The following TMEM181 variants were observed in gnomAD, a reference collection of about 807,000 sequenced individuals.
TMEM181 encodes the protein transmembrane protein 181.
A neutral mutation model predicts 71.9 loss-of-function variants in TMEM181; 39 were observed. The observed-to-expected ratio is 0.54, with a 90% CI of 0.42 to 0.71. The LOEUF (loss-of-function observed/expected upper bound fraction) is 0.71. Ranked by LOEUF, TMEM181 falls within the 30% of genes least tolerant of loss-of-function variation. TMEM181 has a pLI of 0.00. For synonymous variants in TMEM181, 245 were observed against 228.8 expected (o/e 1.07, Z -0.64); for missense variants, 595 against 583.0 (o/e 1.02, Z -0.21).
chr6:158,627,061 T>G (rs1040582937), intron 13 of TMEM181, among the ~76,000 whole-genome samples: 5 of 140,858 alleles, frequency 3.5e-5, no homozygotes, highest in Non-Finnish European at 7.7e-5. Context: ...TCTCACACCC[T>G]CACACCTTCA....
At chr6:158,542,346 C>T (rs1781385521) in intron 1 of TMEM181, among the ~76,000 whole-genome samples, 1 of 152,172 alleles carries the variant, frequency 6.6e-6, no homozygotes, top group Non-Finnish European at 1.5e-5. Flanking sequence ...GTTATTGAGT[C>T]CTTACTATGT....
intron 2 of TMEM181, among the ~76,000 whole-genome samples, chr6:158,574,019 C>A (rs147121642): frequency 4.1e-4 from 62 of 152,198 alleles, no homozygotes; most frequent in African/African-American, 1.3e-3. Context: ...ACCTGAGAAG[C>A]CAAGTGGTTT....
chr6:158,603,875 T>G (rs1356090730), intron 6 of TMEM181, among the ~76,000 whole-genome samples: 1 of 152,234 alleles, frequency 6.6e-6, no homozygotes, highest in Non-Finnish European at 1.5e-5. Context: ...TGCTAGGTTT[T>G]ATATCTTATA....
In TMEM181 at chr6:158,628,405, C is replaced by T. The variant is rs367768335; in HGVS notation, c.1110-3C>T. 18 of 1,614,114 alleles carry T rather than the reference C, an allele frequency of 1.1e-5. No individual in the cohort carries two copies. In the African/African-American group the frequency reaches 2.4e-4, roughly 22 times the overall value. ...ATTGTCTCTGCTCCTCTGTCTTGTT[C>T]AGCATCGCCATCCTTTATTTGAGAT... On this transcript the variant is annotated splice_region_variant and splice_polypyrimidine_tract_variant and intron_variant, in intron 13 of 16. Transcript: ENST00000684151.
Position 158,582,071 on chromosome 6 carries a change from T to C in TMEM181, c.168+1076T>C, listed in dbSNP as rs751005616. ...AAAAAGTCAAAAGAAGAAAAAGTAC[T>C]AAAACTTACACCATTTGATTTTTCT... On this transcript the variant is annotated intron_variant, in intron 3 of 16. Transcript: ENST00000684151. 2.8e-4 allele frequency among the ~76,000 whole-genome samples: 42 copies of C among 152,202 alleles called. 1 individual carries two copies. Among genetic ancestry groups the C allele is most frequent in the Admixed American group, 1.3e-4 (2 of 15,264 alleles).
intron 1 of TMEM181, among the ~76,000 whole-genome samples, chr6:158,563,318 A>G (rs922098726): frequency 2.6e-5 from 4 of 152,052 alleles, no homozygotes; most frequent in African/African-American, 7.2e-5. Flanking sequence ...TAATTTTTGT[A>G]TTTTTAGTAG....
chr6:158,604,320 G>T (rs75631046), intron 6 of TMEM181, among the ~76,000 whole-genome samples: 4,271 of 127,974 alleles, frequency 0.033, 82 homozygotes, highest in Non-Finnish European at 0.052. Flanking sequence ...AATCATCCTT[G>T]TGCATGCGTG....
upstream of TMEM181, among the ~76,000 whole-genome samples, chr6:158,557,533 T>TTTA (rs1177421080): frequency 2.0e-5 from 3 of 151,898 alleles, no homozygotes; most frequent in Non-Finnish European, 4.4e-5. Context: ...TATTTATTTA[T>TTTA]TTGAGACAGA....
rs200954268 is a variant in TMEM181, at chr6:158,585,283, C to A, written c.260-21C>A. ...GATGTGCCTGGCATGGTCTCTAACA[C>A]TGAATTTTTTTCTTTTGTAGAAACT... On this transcript the variant is annotated intron_variant, in intron 4 of 16. Transcript: ENST00000684151. 401 of 1,586,868 alleles carry A rather than the reference C, an allele frequency of 2.5e-4. 1 individual carries two copies. The African/African-American group carries it at 4.4e-3, about 17-fold the overall frequency.
At chr6:158,631,531 C>T (rs1022664163) in intron 16 of TMEM181, 142 bp downstream of exon 16, 151 of 966,546 alleles carry the variant, frequency 1.6e-4, no homozygotes, top group Non-Finnish European at 2.1e-4. Flanking sequence ...TCGTGGTTTT[C>T]TGTTTTCACA....
chr6:158,561,114 G>A (rs1042498975), intron 1 of TMEM181, among the ~76,000 whole-genome samples: 3 of 152,198 alleles, frequency 2.0e-5, no homozygotes, highest in Admixed American at 6.5e-5. Flanking sequence ...CGCGCTTCTT[G>A]GCTTATATGC....
chr6:158,563,302 C>T (rs1241357243), intron 1 of TMEM181, among the ~76,000 whole-genome samples: 3 of 152,310 alleles, frequency 2.0e-5, no homozygotes, highest in Admixed American at 6.5e-5. Flanking sequence ...TGCCACCATG[C>T]CCGGCTAATT....
chr6:158,553,371 T>C (rs1781775886), intron 1 of TMEM181, among the ~76,000 whole-genome samples: 1 of 152,254 alleles, frequency 6.6e-6, no homozygotes, highest in African/African-American at 2.4e-5. Context: ...TTATTAAAAC[T>C]GAGATATTAG....
intron 1 of TMEM181, among the ~76,000 whole-genome samples, chr6:158,554,096 A>ATTTTC (rs1554301307): frequency 2.2e-5 from 3 of 135,494 alleles, no homozygotes; most frequent in African/African-American, 8.5e-5. Context: ...ATTTTATTTT[A>ATTTTC]TTTTTTGAGA....
chr6:158,595,652 A>C (rs1041811402), intron 6 of TMEM181, among the ~76,000 whole-genome samples: 4 of 152,220 alleles, frequency 2.6e-5, no homozygotes, highest in African/African-American at 9.6e-5. Flanking sequence ...TCTGAAGCAT[A>C]ATGTTGAATG....
intron 6 of TMEM181, among the ~76,000 whole-genome samples, chr6:158,591,346 G>A (rs1784098350): frequency 6.6e-6 from 1 of 152,070 alleles, no homozygotes; most frequent in Non-Finnish European, 1.5e-5. Context: ...GAAGGAGCAG[G>A]TGGCCCTGGG....
chr6:158,562,496 AT>A (rs1198438922), intron 1 of TMEM181, among the ~76,000 whole-genome samples: 1 of 149,722 alleles, frequency 6.7e-6, no homozygotes, highest in African/African-American at 2.5e-5. Flanking sequence ...ACGTGAAGCC[AT>A]TTTTTAGTGT....
chr6:158,552,582 A>G (rs1781753370), intron 1 of TMEM181, among the ~76,000 whole-genome samples: 2 of 152,224 alleles, frequency 1.3e-5, no homozygotes, highest in Admixed American at 6.5e-5. Flanking sequence ...GGTCTTCAAG[A>G]TAAACATTTT....
At chr6:158,622,946 C>T (rs1259158121) in intron 10 of TMEM181, among the ~76,000 whole-genome samples, 2 of 152,164 alleles carry the variant, frequency 1.3e-5, no homozygotes, top group African/African-American at 4.8e-5. Context: ...TGCTTTTGTC[C>T]TGTAAAATGG....
Sources: gnomAD v4.1 joint callset for allele counts (sites outside exome capture counted in the v4.1 genomes callset) on GRCh38, gnomAD v4.1.1 for gene constraint, MANE v1.5 for transcripts, NCBI Gene and HGNC (gene_info 2026-07-23, HGNC 2026-07-21) for gene names.